ZNF574: variants seen among roughly 807,000 people sequenced by gnomAD.
The protein encoded by ZNF574 is zinc finger protein 574.
ZNF574 carries 25 observed loss-of-function variants against 56.6 expected under a neutral mutation model. The ratio of observed to expected loss-of-function variants is 0.44; its 90% CI spans 0.32 to 0.62. The LOEUF (loss-of-function observed/expected upper bound fraction) is 0.62, where lower values mean the gene tolerates loss of function less well. Ranked by LOEUF, ZNF574 falls within the 20% of genes least tolerant of loss-of-function variation. The pLI, the probability that ZNF574 is intolerant of heterozygous loss-of-function variation, is 0.04. For synonymous variants in ZNF574, 543 were observed against 492.1 expected (o/e 1.10, Z -1.37); for missense variants, 1,065 against 1,218.9 (o/e 0.87, Z 1.88).
At chr19:42,070,131 G>A (rs1047745303) in intron 1 of ZNF574, among the ~76,000 whole-genome samples, 6 of 152,008 alleles carry the variant, frequency 3.9e-5, no homozygotes, top group South Asian at 4.1e-4. Context: ...GCTGGCTGCC[G>A]CCACCGCTCA....
Position 42,079,779 on chromosome 19 carries a change from G to T in ZNF574, c.1173G>T (p.Leu391=), listed in dbSNP as rs1483670109. The T allele has an allele frequency of 6.2e-7, 1 of 1,614,130 alleles. No homozygotes were observed. Among genetic ancestry groups the T allele is most frequent in the South Asian group, 1.1e-5 (1 of 91,076 alleles). ...GGCGAGCCCACACCCCGAATCCTCT[G>T]CATTCATGTCCATGTGGGAAGACCT... ...AHRRAHTPNP[L]HSCPCGKTFV... Residue 391 remains leucine (L), a synonymous_variant, in exon 2 of 2, where the codon CTG becomes CTT. Coordinates refer to ENST00000359044, the MANE Select transcript of ZNF574 (RefSeq NM_022752.6). This position sits in a 1 kb window ranked among gnomAD's most constrained non-coding sequence, Gnocchi z 4.3.
chr19:42,080,090 A>G lies in ZNF574; in HGVS notation c.1484A>G (p.His495Arg). 6.2e-7 allele frequency: 1 copy of G among 1,614,164 alleles called. No homozygotes were observed. The highest frequency in any genetic ancestry group is 8.5e-7 in the Non-Finnish European group (1 of 1,180,042). Reference protein sequence around the residue: ...QRFVHRLERRHKCSICGKMFK... With the variant: ...QRFVHRLERRRKCSICGKMFK... ...TTTGTGCATCGGCTGGAGCGGCGCC[A>G]TAAATGCAGCATTTGTGGCAAGATG... The change falls in exon 2 of 2, where the codon CAT becomes CGT. Residue 495 changes from histidine (H) to arginine (R), a missense_variant. His to Arg is a conservative substitution (Grantham distance 29). Coordinates refer to ENST00000359044, the MANE Select transcript of ZNF574 (RefSeq NM_022752.6). This position sits in a 1 kb window ranked among gnomAD's most constrained non-coding sequence, Gnocchi z 8.5.
At chr19:42,069,115 T>A (rs1016705132) in intron 1 of ZNF574, 1 of 423,304 alleles carries the variant, frequency 2.4e-6, no homozygotes, top group African/African-American at 2.0e-5. Flanking sequence ...AGCAGGCCCC[T>A]AGTGGGGGAG....
chr19:42,080,615 G>T lies in ZNF574; in HGVS notation c.2009G>T (p.Gly670Val). The change falls in exon 2 of 2, where the codon GGC becomes GTC. Residue 670 changes from glycine (G) to valine (V), a missense_variant. By Grantham distance (109) the Gly-to-Val change is moderately radical. Transcript: ENST00000359044. This position sits in a 1 kb window ranked among gnomAD's most constrained non-coding sequence, Gnocchi z 8.5. The stretch of plus-strand genomic sequence containing the variant: ...CAGGCCCCACGGCGCTTTGAGTGTG[G>T]CACCTGTGGCAAGAAAGTGGGCTCA... Reference protein sequence around the residue: ...AAQAPRRFECGTCGKKVGSAA... With the variant: ...AAQAPRRFECVTCGKKVGSAA... 1 of 1,612,810 alleles carries T rather than the reference G, an allele frequency of 6.2e-7. No homozygotes were observed. Among genetic ancestry groups the T allele is most frequent in the Non-Finnish European group, 8.5e-7 (1 of 1,179,896 alleles).
intron 1 of ZNF574, chr19:42,068,999 G>T: frequency 1.9e-6 from 1 of 530,838 alleles, no homozygotes; most frequent in Non-Finnish European, 3.4e-6. Context: ...CAGCCCCGTA[G>T]GACCCCAGAA....
chr19:42,069,683 G>C (rs1401833520), intron 1 of ZNF574, among the ~76,000 whole-genome samples: 1 of 145,976 alleles, frequency 6.9e-6, no homozygotes, highest in Non-Finnish European at 1.5e-5. Flanking sequence ...GGACTGGGTG[G>C]AGAAAAGGAA....
Position 42,080,311 on chromosome 19 carries a change from C to T in ZNF574, c.1705C>T (p.His569Tyr). 6.2e-7 allele frequency: 1 copy of T among 1,614,200 alleles called. No individual in the cohort carries two copies. Among genetic ancestry groups the T allele is most frequent in the Non-Finnish European group, 8.5e-7 (1 of 1,180,028 alleles). The change falls in exon 2 of 2, where the codon CAC becomes TAC. Residue 569 changes from histidine (H) to tyrosine (Y), a missense_variant. Coordinates refer to ENST00000359044, the MANE Select transcript of ZNF574 (RefSeq NM_022752.6). This position sits in a 1 kb window ranked among gnomAD's most constrained non-coding sequence, Gnocchi z 8.5. ...CACGCAAAGCTCCACACTGAGGCAGCACCGCTTGGTGCATGCCCAGCACTT... is the reference window on the plus strand; with the variant it reads ...CACGCAAAGCTCCACACTGAGGCAGTACCGCTTGGTGCATGCCCAGCACTT... ...AFTQSSTLRQ[H>Y]RLVHAQHFPY...
In ZNF574 at chr19:42,078,760, C is replaced by G. The variant is rs758259548; in HGVS notation, c.154C>G (p.Pro52Ala). 2 of 1,613,962 alleles carry G rather than the reference C, an allele frequency of 1.2e-6. No homozygotes were observed. The highest frequency in any genetic ancestry group is 2.7e-5 in the African/African-American group (2 of 74,900). Residue 52 changes from proline (P) to alanine (A), a missense_variant, in exon 2 of 2, where the codon CCC (proline) becomes GCC (alanine). Transcript: ENST00000359044. ...CTTTGAGCTGGTGGGCGTGGCTGAT[C>G]CCGGAGTCACTGTGGCCACAGACAC... ...QHFELVGVAD[P>A]GVTVATDTAS...
At chr19:42,074,252 T>TGA (rs1215177003), upstream of ZNF574, among the ~76,000 whole-genome samples, 1 of 151,638 alleles carries the variant, frequency 6.6e-6, no homozygotes, top group Non-Finnish European at 1.5e-5. Flanking sequence ...GTCAGGAGAT[T>TGA]GAGACCATCC....
chr19:42,073,156 C>A (rs977599551), upstream of ZNF574, among the ~76,000 whole-genome samples: 1 of 152,202 alleles, frequency 6.6e-6, no homozygotes, highest in Non-Finnish European at 1.5e-5. Context: ...AGAATGTAGA[C>A]TGTAAGGTCA....
chr19:42,076,444 G>T (rs1170207414), intron 1 of ZNF574, among the ~76,000 whole-genome samples, 158 bp downstream of exon 1: 1 of 151,990 alleles, frequency 6.6e-6, no homozygotes, highest in African/African-American at 2.4e-5. Context: ...GCGGGCAGCC[G>T]GGCGGGGGCC....
At chr19:42,074,189 G>A (rs2076442195), upstream of ZNF574, among the ~76,000 whole-genome samples, 1 of 151,456 alleles carries the variant, frequency 6.6e-6, no homozygotes, top group Non-Finnish European at 1.5e-5. Flanking sequence ...AGGTGCAGTG[G>A]CTCACGCCTG....
chr19:42,079,902 T>G lies in ZNF574; in HGVS notation c.1296T>G (p.Ile432Met). 6.2e-7 allele frequency: 1 copy of G among 1,613,964 alleles called. No homozygotes were observed. The highest frequency in any genetic ancestry group is 1.1e-5 in the South Asian group (1 of 91,078). ...TTPVPPEEPV[I>M]GFPEPAPAET... is the part of the protein sequence containing the mutation. ...CAGTCCCACCAGAGGAACCTGTCAT[T>G]GGTTTCCCTGAGCCAGCCCCAGCAG... The change falls in exon 2 of 2, where the codon ATT (isoleucine) becomes ATG (methionine). Residue 432 changes from isoleucine (I) to methionine (M), a missense_variant. Ile to Met is a conservative substitution (Grantham distance 10). Coordinates refer to ENST00000359044, the MANE Select transcript of ZNF574 (RefSeq NM_022752.6). The surrounding 1 kb of genome is among the most constrained non-coding windows in gnomAD (Gnocchi z 4.3).
chr19:42,071,676 C>T (rs1257319063), upstream of ZNF574, among the ~76,000 whole-genome samples: 1 of 152,186 alleles, frequency 6.6e-6, no homozygotes, highest in African/African-American at 2.4e-5. Flanking sequence ...ACACCTGCCT[C>T]TGGGACTTTG....
rs1392591015 is a variant in ZNF574 at position 42,080,176 on chromosome 19, C to T, written c.1570C>T (p.Pro524Ser). ...CACACACACAGGGGAGCGGCCCTTCCCCTGCCCTGACTGCTCCAAGCCCTT... is the reference window on the plus strand; with the variant it reads ...CACACACACAGGGGAGCGGCCCTTCTCCTGCCCTGACTGCTCCAAGCCCTT... The part of the protein sequence containing the change: ...LRTHTGERPF[P>S]CPDCSKPFNS... Residue 524 changes from proline to serine, a missense_variant, in exon 2 of 2, where the codon CCC becomes TCC. Transcript: ENST00000359044. This position sits in a 1 kb window ranked among gnomAD's most constrained non-coding sequence, Gnocchi z 8.5. The T allele has an allele frequency of 1.2e-6, 2 of 1,613,946 alleles. No individual in the cohort carries two copies.
upstream of ZNF574, among the ~76,000 whole-genome samples, chr19:42,073,814 CA>C (rs577928373): frequency 0.077 from 2,464 of 31,968 alleles, 11 homozygotes; most frequent in African/African-American, 0.097. Context: ...TAGACTGTCT[CA>C]AAAAAAAAAA....
chr19:42,068,890 C>T, exon 1 of ZNF574: 1 of 683,238 alleles, frequency 1.5e-6, no homozygotes, highest in Non-Finnish European at 2.7e-6. Context: ...CTCAGAGGAA[C>T]AGAAAGAGCC....
At position 42,079,579 on chromosome 19, in the gene ZNF574, C is replaced by G; in HGVS notation, c.973C>G (p.Gln325Glu). The G allele has an allele frequency of 6.2e-7, 1 of 1,614,174 alleles. No individual in the cohort carries two copies. The highest frequency in any genetic ancestry group is 8.5e-7 in the Non-Finnish European group (1 of 1,180,032). Residue 325 changes from glutamine (Q) to glutamate (E), a missense_variant, in exon 2 of 2, where the codon CAG (glutamine) becomes GAG (glutamate). By Grantham distance (29) the Gln-to-Glu change is conservative. Coordinates refer to ENST00000359044, the MANE Select transcript of ZNF574 (RefSeq NM_022752.6). This position sits in a 1 kb window ranked among gnomAD's most constrained non-coding sequence, Gnocchi z 4.3. ...DQLFLSPHQL[Q>E]QHLRSHREGV... ...GCTCTTTCTCTCACCCCACCAGCTA[C>G]AGCAGCACCTGCGGAGTCACCGGGA...
chr19:42,069,670 C>A (rs1018446973), intron 1 of ZNF574, among the ~76,000 whole-genome samples: 1 of 122,830 alleles, frequency 8.1e-6, no homozygotes, highest in South Asian at 2.6e-4. Context: ...CCACAGGGGG[C>A]GAGGACTGGG....
Sources: gnomAD v4.1 joint callset for allele counts (sites outside exome capture counted in the v4.1 genomes callset) on GRCh38, gnomAD v4.1.1 for gene constraint, Gnocchi (gnomAD v3.1) non-coding constraint, MANE v1.5 for transcripts, NCBI Gene and HGNC (gene_info 2026-07-23, HGNC 2026-07-21) for gene names.